AIDA: variants seen among roughly 807,000 people sequenced by gnomAD.
The protein encoded by AIDA is axin interactor, dorsalization-associated protein.
A neutral mutation model predicts 42.7 loss-of-function variants in AIDA; 18 were observed. That is an observed-to-expected ratio of 0.42 (90% CI 0.29 to 0.63). The LOEUF is 0.63. AIDA is among the 20% of genes least tolerant of loss of function. The pLI is 0.19. For synonymous variants in AIDA, 104 were observed against 122.9 expected, an observed-to-expected ratio of 0.85 and a Z score of 1.02; for missense variants, 250 against 354.1, an observed-to-expected ratio of 0.71 and a Z score of 2.36.
chr1:222,675,253 TG>T (rs1484006667), intron 7 of AIDA, among the ~76,000 whole-genome samples: 2 of 152,246 alleles, frequency 1.3e-5, no homozygotes, highest in African/African-American at 4.8e-5. Flanking sequence ...TTGGATTAGC[TG>T]TGCAGTTGTT....
intron 4 of AIDA, among the ~76,000 whole-genome samples, chr1:222,690,051 T>A (rs114003566): frequency 6.6e-6 from 1 of 152,176 alleles, no homozygotes; most frequent in Admixed American, 6.5e-5. Flanking sequence ...CAGTAACAGG[T>A]TGTAGAGGTT....
chr1:222,675,066 T>G lies in AIDA; in HGVS notation c.583+1030A>C, dbSNP rs375898954. Among the ~76,000 whole-genome samples, 129 of 152,338 alleles carry G rather than the reference T, an allele frequency of 8.5e-4. 4 individuals carry two copies. In the South Asian group the frequency reaches 0.026, roughly 31 times the overall value. On this transcript the variant is annotated intron_variant, in intron 7 of 9. Transcript: ENST00000340020. ...TTAAAGTTTCACAGCATTAATGCTG[T>G]GGATCACGGTCTCCAAATAATCCCT...
chr1:222,699,867 G>C (rs921839303), intron 2 of AIDA, among the ~76,000 whole-genome samples: 2 of 151,956 alleles, frequency 1.3e-5, no homozygotes, highest in African/African-American at 2.4e-5. Context: ...CGCCTCCCGG[G>C]TTCATGCCAT....
At position 222,669,041 on chromosome 1, in the gene AIDA, C is replaced by CT. The variant is rs1664396988; in HGVS notation, c.*851dup. The CT allele has an allele frequency of 6.6e-6, 1 of 152,070 alleles. No individual in the cohort carries two copies. The highest frequency in any genetic ancestry group is 2.4e-5 in the African/African-American group (1 of 41,376). The allele number at this position is 152,070 out of a possible 1,614,324, so 9.4% of individuals were successfully genotyped here. A position where few individuals can be genotyped will look rare whatever the true frequency, so the allele number is the denominator to read the frequency against. On this transcript the variant is annotated 3_prime_UTR_variant, in exon 10 of 10. Coordinates refer to ENST00000340020, the MANE Select transcript of AIDA (RefSeq NM_022831.4). The stretch of plus-strand genomic sequence containing the variant: ...GTTGTCAGAAAAACAGCAGTTATGC[C>CT]TGCAGTATCTCGTTAGCATCTGACT...
rs1448364139 is a variant in AIDA at position 222,687,582 on chromosome 1, A to G, written c.353+13T>C. 6.7e-7 allele frequency: 1 copy of G among 1,482,284 alleles called. No homozygotes were observed. The highest frequency in any genetic ancestry group is 2.4e-5 in the East Asian group (1 of 42,380). The allele number at this position is 1,482,284 out of a possible 1,614,324, so 91.8% of individuals were successfully genotyped here. Reference sequence around the variant, plus strand: ...AAATAAAATAAGAAAACAAATATAAATGTTTCTTTTACCTTAATGGGACAG... The same window carrying G: ...AAATAAAATAAGAAAACAAATATAAGTGTTTCTTTTACCTTAATGGGACAG... On this transcript the variant is annotated intron_variant, in intron 5 of 9. Transcript: ENST00000340020.
intron 6 of AIDA, among the ~76,000 whole-genome samples, chr1:222,684,041 A>C (rs1664698189): frequency 6.6e-6 from 1 of 152,114 alleles, no homozygotes. Context: ...ACACCTCATT[A>C]TCTTAACAGT....
chr1:222,691,448 T>A (rs1189323832), intron 4 of AIDA, among the ~76,000 whole-genome samples: 1 of 152,170 alleles, frequency 6.6e-6, no homozygotes, highest in African/African-American at 2.4e-5. Flanking sequence ...GAGTCTGTTG[T>A]CAGAATTAAA....
At chr1:222,708,355 G>C (rs899230133) in intron 1 of AIDA, among the ~76,000 whole-genome samples, 1 of 150,952 alleles carries the variant, frequency 6.6e-6, no homozygotes, top group Admixed American at 6.6e-5. Flanking sequence ...CAGACTCATT[G>C]ATTCACTTAG....
At chr1:222,697,963 GAA>G (rs1341039235) in intron 2 of AIDA, among the ~76,000 whole-genome samples, 1 of 151,460 alleles carries the variant, frequency 6.6e-6, no homozygotes, top group Non-Finnish European at 1.5e-5. Context: ...TCAAGACAGG[GAA>G]ACGCTTTCTA....
chr1:222,670,635 G>A (rs1664430229), intron 8 of AIDA, among the ~76,000 whole-genome samples: 1 of 152,126 alleles, frequency 6.6e-6, no homozygotes, highest in African/African-American at 2.4e-5. Flanking sequence ...GCATTTAAAA[G>A]AGTTCCTAAA....
intron 4 of AIDA, among the ~76,000 whole-genome samples, chr1:222,691,207 G>A (rs145478752): frequency 1.6e-3 from 244 of 152,260 alleles, no homozygotes; most frequent in African/African-American, 5.3e-3. Flanking sequence ...AGGGATTAGC[G>A]AACAGCCTGG....
At chr1:222,672,240 T>C (rs1306988369) in intron 8 of AIDA, among the ~76,000 whole-genome samples, 1 of 151,952 alleles carries the variant, frequency 6.6e-6, no homozygotes, top group East Asian at 1.9e-4. Flanking sequence ...AAGAACACAG[T>C]GTAATAAAAT....
At chr1:222,685,131 G>A (rs1264122369) in intron 6 of AIDA, among the ~76,000 whole-genome samples, 1 of 152,150 alleles carries the variant, frequency 6.6e-6, no homozygotes, top group Non-Finnish European at 1.5e-5. Flanking sequence ...AGCTACCATT[G>A]ATAGTGCCTG....
chr1:222,700,825 C>T (rs1215723638), intron 2 of AIDA, among the ~76,000 whole-genome samples: 1 of 151,880 alleles, frequency 6.6e-6, no homozygotes, highest in African/African-American at 2.4e-5. Context: ...GGCCATGTGG[C>T]TGCTAAGGAA....
chr1:222,670,497 T>C (rs142955903), intron 8 of AIDA, among the ~76,000 whole-genome samples: 237 of 152,320 alleles, frequency 1.6e-3, no homozygotes, highest in Non-Finnish European at 2.5e-3. Context: ...CTTCTTGAGC[T>C]AGACTGCCTC....
At position 222,676,123 on chromosome 1, in the gene AIDA, C is replaced by T. The variant is rs1472689471; in HGVS notation, c.556G>A (p.Asp186Asn). 5.0e-6 allele frequency: 8 copies of T among 1,610,766 alleles called. No homozygotes were observed. Among genetic ancestry groups the T allele is most frequent in the East Asian group, 2.2e-5 (1 of 44,692 alleles). Residue 186 changes from aspartate to asparagine, a missense_variant, in exon 7 of 10, where the codon GAT (aspartate) becomes AAT (asparagine). Physicochemically the swap from Asp to Asn is conservative, Grantham distance 23 (BLOSUM62 1). Around this residue, in one of 4 missense-constraint regions of AIDA, gnomAD observed 199 missense variants for 232.6 expected, o/e 0.86. Coordinates refer to ENST00000340020, the MANE Select transcript of AIDA (RefSeq NM_022831.4). The part of the protein sequence containing the change: ...IGLKDAGQCI[D>N]PYITVSVKDL... ...TTTACACTAACTGTAATATAGGGATCGATGCACTGCCCAGCATCTTTCAAA... is the reference window on the plus strand; with the variant it reads ...TTTACACTAACTGTAATATAGGGATTGATGCACTGCCCAGCATCTTTCAAA...
At position 222,669,879 on chromosome 1, in the gene AIDA, T is replaced by G. The variant is rs1664413600; in HGVS notation, c.*14A>C. 1 of 1,606,576 alleles carries G rather than the reference T, an allele frequency of 6.2e-7. No homozygotes were observed. The highest frequency in any genetic ancestry group is 1.3e-5 in the African/African-American group (1 of 74,386). ...GGTAAAATTCACAGAAGTTCCAGGT[T>G]CATCATGTCAGGATCATTCCTTGTG... On this transcript the variant is annotated 3_prime_UTR_variant, in exon 10 of 10. Coordinates refer to ENST00000340020, the MANE Select transcript of AIDA (RefSeq NM_022831.4).
At chr1:222,695,491 CA>C (rs531497346) in intron 2 of AIDA, among the ~76,000 whole-genome samples, 19 of 148,864 alleles carry the variant, frequency 1.3e-4, no homozygotes, top group African/African-American at 4.5e-4. Context: ...GACTCCATCT[CA>C]AAAAAAAAGA....
At chr1:222,705,483 A>G (rs969928418) in intron 1 of AIDA, among the ~76,000 whole-genome samples, 3 of 152,234 alleles carry the variant, frequency 2.0e-5, no homozygotes, top group African/African-American at 7.2e-5. Context: ...GGTGGCCATC[A>G]ACCTAAGCAG....
Sources: gnomAD v4.1 joint callset for allele counts (sites outside exome capture counted in the v4.1 genomes callset) on GRCh38, gnomAD v4.1.1 for gene constraint, gnomAD v4.1.1 regional missense constraint, MANE v1.5 for transcripts, NCBI Gene and HGNC (gene_info 2026-07-23, HGNC 2026-07-21) for gene names.